The following CSN2 variants were observed in gnomAD, a reference collection of about 807,000 sequenced individuals.
CSN2 encodes the protein casein beta, also known as beta-casein.
CSN2 carries 27 observed loss-of-function variants against 27.3 expected under a neutral mutation model. That is an observed-to-expected ratio of 0.99 (90% CI 0.73 to 1.36). The LOEUF is 1.36. CSN2 is among the 40% of genes most tolerant of loss of function. CSN2 has a pLI of 0.00. For synonymous variants in CSN2, 131 were observed against 94.8 expected (o/e 1.38, Z -2.22); for missense variants, 333 against 264.5 (o/e 1.26, Z -1.80).
At chr4:69,958,804 T>A in intron 5 of CSN2, 105 bp downstream of exon 5, 1 of 753,516 alleles carries the variant, frequency 1.3e-6, no homozygotes, top group Non-Finnish European at 2.1e-6. Context: ...TATATGGCAT[T>A]TATTTTATTA....
intron 7 of CSN2, among the ~76,000 whole-genome samples, 177 bp from the exon 8 acceptor site, chr4:69,955,769 A>G (rs1723375654): frequency 6.6e-6 from 1 of 152,204 alleles, no homozygotes; most frequent in South Asian, 2.1e-4. Flanking sequence ...AGTTCATCAA[A>G]TATTAGTGAA....
In CSN2 at chr4:69,955,826, G is replaced by A. The variant is rs1723376883; in HGVS notation, c.*37-234C>T. 2.6e-5 allele frequency among the ~76,000 whole-genome samples: 4 copies of A among 151,876 alleles called. No individual in the cohort carries two copies. In the South Asian group the frequency reaches 8.3e-4, roughly 32 times the overall value. On this transcript the variant is annotated intron_variant, in intron 7 of 7. Transcript: ENST00000353151. ...TGTCTGGTATTTCATAATCCCAAAA[G>A]GCTTTATATCTTAGAATTGCAATGC... is the stretch of plus-strand genomic sequence containing the variant.
chr4:69,960,870 T>C, intron 2 of CSN2, 75 bp downstream of exon 2: 1 of 1,128,846 alleles, frequency 8.9e-7, no homozygotes, highest in Non-Finnish European at 1.3e-6. Flanking sequence ...AAAATGTTGG[T>C]GATGTTATTC....
rs754534286 is a variant in CSN2, at chr4:69,960,978, G to A, written c.18C>T (p.Leu6=). The change falls in exon 2 of 8, where the codon CTC becomes CTT. Residue 6 remains leucine, a synonymous_variant. Coordinates refer to ENST00000353151, the MANE Select transcript of CSN2 (RefSeq NM_001891.4). MKVLI[L]ACLVALALAR... ...CAAGAGCAAGAGCCACCAGGCAGGC[G>A]AGGATGAGGACCTTCATGGCTACTA... 66 of 1,612,748 alleles carry A rather than the reference G, an allele frequency of 4.1e-5. 1 individual carries two copies. Among genetic ancestry groups the A allele is most frequent in the South Asian group, 5.5e-5 (5 of 91,018 alleles).
chr4:69,964,892 G>A (rs776865), intron 1 of CSN2, among the ~76,000 whole-genome samples: 33,555 of 150,000 alleles, frequency 0.22, 5,670 homozygotes, highest in African/African-American at 0.47. Flanking sequence ...ACTACATACT[G>A]GTATACTTTT....
At position 69,962,782 on chromosome 4, in the gene CSN2, A is replaced by G. The variant is rs1304680697; in HGVS notation, c.-12-1775T>C. 2.0e-5 allele frequency among the ~76,000 whole-genome samples: 3 copies of G among 152,334 alleles called. No homozygotes were observed. The East Asian group carries it at 5.8e-4, about 29-fold the overall frequency. On this transcript the variant is annotated intron_variant, in intron 1 of 7. Coordinates refer to ENST00000353151, the MANE Select transcript of CSN2 (RefSeq NM_001891.4). ...CTTCTGCACAGCAAAAGAAACTACC[A>G]TCAGAGTGAACAGGCAACCTGCAGA...
Position 69,957,758 on chromosome 4 carries a change from A to G in CSN2, c.191T>C (p.Leu64Pro). The change falls in exon 6 of 8, where the codon CTG becomes CCG. Residue 64 changes from leucine to proline, a missense_variant. Coordinates refer to ENST00000353151, the MANE Select transcript of CSN2 (RefSeq NM_001891.4). ...GATAGGTTCAACGAATGGATAGATCAGAGGCTGTGGCTGGAAAGAGGGGTA... is the reference window on the plus strand; with the variant it reads ...GATAGGTTCAACGAATGGATAGATCGGAGGCTGTGGCTGGAAAGAGGGGTA... ...KIYPSFQPQP[L>P]IYPFVEPIPY... is the part of the protein sequence containing the mutation. 1 of 1,613,998 alleles carries G rather than the reference A, an allele frequency of 6.2e-7. No homozygotes were observed. The highest frequency in any genetic ancestry group is 8.5e-7 in the Non-Finnish European group (1 of 1,179,952).
At chr4:69,959,271 A>C (rs959464807) in intron 3 of CSN2, among the ~76,000 whole-genome samples, 3 of 141,494 alleles carry the variant, frequency 2.1e-5, no homozygotes, top group African/African-American at 9.5e-5. Context: ...GACATGGTAC[A>C]AAAAAAAGCA....
chr4:69,956,091 A>G (rs1024119178), intron 7 of CSN2, among the ~76,000 whole-genome samples: 2 of 152,086 alleles, frequency 1.3e-5, no homozygotes, highest in Non-Finnish European at 2.9e-5. Flanking sequence ...CAAGCCAGTC[A>G]AATCTGTCAA....
intron 1 of CSN2, among the ~76,000 whole-genome samples, chr4:69,962,705 C>T (rs1281746018): frequency 3.9e-5 from 6 of 152,140 alleles, no homozygotes; most frequent in Non-Finnish European, 8.8e-5. Flanking sequence ...AGACCAAAAG[C>T]AATGGCAACA....
At chr4:69,957,865 G>T (rs1001249055) in intron 5 of CSN2, 61 bp from the exon 6 acceptor site, 7 of 1,358,616 alleles carry the variant, frequency 5.2e-6, no homozygotes, top group African/African-American at 4.4e-5. Flanking sequence ...CATTCATAAT[G>T]AATTCATTTC....
intron 1 of CSN2, among the ~76,000 whole-genome samples, chr4:69,962,679 G>A (rs1400898616): frequency 6.6e-6 from 1 of 152,106 alleles, no homozygotes; most frequent in African/African-American, 2.4e-5. Flanking sequence ...GCATGGGCAA[G>A]GACTTCATGT....
chr4:69,961,948 CAGAG>C (rs1404469191), intron 1 of CSN2, among the ~76,000 whole-genome samples: 1 of 152,104 alleles, frequency 6.6e-6, no homozygotes, highest in Non-Finnish European at 1.5e-5. Context: ...AACAGACAAA[CAGAG>C]AGCCAAATCA....
rs1723613254 is a variant in CSN2 at position 69,962,102 on chromosome 4, G to C, written c.-12-1095C>G. On this transcript the variant is annotated intron_variant, in intron 1 of 7. Transcript: ENST00000353151. ...TAAAAGAGGATACAAACAAATGGAA[G>C]AACATTCCATGCTCATGGGTAGGAA... is the stretch of plus-strand genomic sequence containing the variant. 2.6e-5 allele frequency among the ~76,000 whole-genome samples: 4 copies of C among 152,206 alleles called. No homozygotes were observed. In the South Asian group the frequency reaches 8.3e-4, roughly 32 times the overall value.
At chr4:69,960,111 ATCT>A (rs1236240774) in intron 2 of CSN2, 32 bp from the exon 3 acceptor site, 5 of 1,594,530 alleles carry the variant, frequency 3.1e-6, no homozygotes, top group East Asian at 2.2e-5. Context: ...AACCAGCTAA[ATCT>A]TCTAGATCAT....
intron 7 of CSN2, among the ~76,000 whole-genome samples, 197 bp downstream of exon 7, chr4:69,956,117 A>G (rs1723388825): frequency 6.6e-6 from 1 of 152,098 alleles, no homozygotes; most frequent in African/African-American, 2.4e-5. Context: ...CATAAATAAA[A>G]TTAAAGTTAT....
chr4:69,964,877 A>T (rs1723745628), intron 1 of CSN2, among the ~76,000 whole-genome samples: 1 of 150,682 alleles, frequency 6.6e-6, no homozygotes, highest in Non-Finnish European at 1.5e-5. Context: ...CTATACTATA[A>T]ATATACTACA....
At chr4:69,959,945 C>G in intron 3 of CSN2, 108 bp downstream of exon 3, 3 of 929,836 alleles carry the variant, frequency 3.2e-6, no homozygotes, top group Non-Finnish European at 5.1e-6. Context: ...TGTACTAGAA[C>G]TTATATGTCA....
intron 1 of CSN2, among the ~76,000 whole-genome samples, chr4:69,965,011 C>T (rs577301256): frequency 6.6e-6 from 1 of 151,174 alleles, no homozygotes. Flanking sequence ...TCTTTTCTAC[C>T]CCATTAAGAA....
Sources: gnomAD v4.1 joint callset for allele counts (sites outside exome capture counted in the v4.1 genomes callset) on GRCh38, gnomAD v4.1.1 for gene constraint, MANE v1.5 for transcripts, NCBI Gene and HGNC (gene_info 2026-07-23, HGNC 2026-07-21) for gene names.